LMO7: variants seen among roughly 807,000 people sequenced by gnomAD.
LMO7 encodes LIM domain 7, also known as LIM domain only protein 7.
In LMO7, 120 loss-of-function variants were observed where a neutral mutation model predicts 206.5. The ratio of observed to expected loss-of-function variants is 0.58; its 90% CI spans 0.50 to 0.68. The LOEUF (loss-of-function observed/expected upper bound fraction) is 0.68, where lower values mean the gene tolerates loss of function less well. Ranked by LOEUF, LMO7 falls within the 30% of genes least tolerant of loss-of-function variation. LMO7 has a pLI of 0.00. For synonymous variants in LMO7, 706 were observed against 681.5 expected (o/e 1.04, Z -0.56); for missense variants, 1,959 against 1,957.9 (o/e 1.00, Z -0.01).
chr13:75,765,046 C>T, intron 4 of LMO7, among the ~76,000 whole-genome samples: 1 of 151,934 alleles, frequency 6.6e-6, no homozygotes, highest in East Asian at 1.9e-4. Context: ...TAACATATTC[C>T]CATCAGGAAA....
intron 16 of LMO7, 66 bp downstream of exon 16, chr13:75,833,231 G>A (rs900178875): frequency 5.2e-6 from 5 of 963,358 alleles, no homozygotes; most frequent in Non-Finnish European, 8.5e-6. Context: ...TGGGGTTGGG[G>A]ACCACAGAAA....
intron 3 of LMO7, among the ~76,000 whole-genome samples, chr13:75,734,073 G>T (rs1217737967): frequency 6.6e-6 from 1 of 152,156 alleles, no homozygotes; most frequent in Admixed American, 6.5e-5. Flanking sequence ...TATGTAATAG[G>T]TTTCCCACCA....
chr13:75,697,615 A>G (rs181952093), intron 1 of LMO7, among the ~76,000 whole-genome samples: 68 of 152,294 alleles, frequency 4.5e-4, no homozygotes, highest in African/African-American at 1.6e-3. Flanking sequence ...CAGCCAAACC[A>G]TATCAGGCAG....
intron 1 of LMO7, among the ~76,000 whole-genome samples, chr13:75,691,310 G>A (rs147176035): frequency 9.2e-4 from 140 of 152,320 alleles, no homozygotes; most frequent in South Asian, 5.2e-3. Context: ...GGTGTGTTGA[G>A]TAGAGGATGT....
In LMO7 at chr13:75,859,456, T is replaced by C. The variant is rs1350690265; in HGVS notation, c.*1513T>C. 2 of 152,214 alleles carry C rather than the reference T, an allele frequency of 1.3e-5. No homozygotes were observed. Among genetic ancestry groups the C allele is most frequent in the African/African-American group, 2.4e-5 (1 of 41,454 alleles). 9.4% of individuals were successfully genotyped at this position (152,214 alleles called of 1,614,324 possible). ...TGTTCTTAAAATTATTTTTATCTTT[T>C]TTCATGGTTGCATAGTGCTCCATTG... On this transcript the variant is annotated 3_prime_UTR_variant, in exon 31 of 31. Transcript: ENST00000377534.
At position 75,845,398 on chromosome 13, in the gene LMO7, C is replaced by T; in HGVS notation, c.4150+19C>T. The T allele has an allele frequency of 6.6e-7, 1 of 1,506,990 alleles. No homozygotes were observed. The highest frequency in any genetic ancestry group is 9.2e-7 in the Non-Finnish European group (1 of 1,087,072). 93.4% of individuals were successfully genotyped at this position (1,506,990 alleles called of 1,614,324 possible). A position where few individuals can be genotyped will look rare whatever the true frequency, so the allele number is the denominator to read the frequency against. On this transcript the variant is annotated intron_variant, in intron 26 of 30. Coordinates refer to ENST00000377534, the MANE Select transcript of LMO7 (RefSeq NM_001306080.2). ...AAAAATGGTAAATGCGATATTTTCC[C>T]CCAAACTCCTTCAGAGTTGCTTATT...
intron 12 of LMO7, 32 bp from the exon 13 acceptor site, chr13:75,819,361 G>A (rs753341736): frequency 3.2e-6 from 5 of 1,566,642 alleles, no homozygotes; most frequent in African/African-American, 1.4e-5. Flanking sequence ...AGAAATTCAG[G>A]TGTGCCCCTG....
At chr13:75,627,255 C>T (rs1389940671) in intron 2 of LMO7, 1 of 152,152 alleles carries the variant, frequency 6.6e-6, no homozygotes, top group Non-Finnish European at 1.5e-5. Flanking sequence ...CAATAAATTA[C>T]ATAAGATATT....
chr13:75,838,522 A>C (rs1413095693), intron 20 of LMO7: 2 of 342,618 alleles, frequency 5.8e-6, no homozygotes, highest in African/African-American at 2.2e-5. Context: ...TAACAGTAAG[A>C]AATGAGGAAT....
At chr13:75,792,905 C>T (rs2053502888) in intron 4 of LMO7, among the ~76,000 whole-genome samples, 1 of 152,178 alleles carries the variant, frequency 6.6e-6, no homozygotes, top group African/African-American at 2.4e-5. Flanking sequence ...TGGTGTTTAT[C>T]ACAGAATAGG....
rs2044008056 is a variant in LMO7, at chr13:75,721,413, C to T, written c.141-5616C>T. Reference sequence around the variant, plus strand: ...TTGGAGAGGGAGAGGGTTGTCTGTGCCTCTGGTAGCTGGACCGTCTGATTG... The same window carrying T: ...TTGGAGAGGGAGAGGGTTGTCTGTGTCTCTGGTAGCTGGACCGTCTGATTG... On this transcript the variant is annotated intron_variant, in intron 2 of 30. Coordinates refer to ENST00000377534, the MANE Select transcript of LMO7 (RefSeq NM_001306080.2). Among the ~76,000 whole-genome samples the T allele has an allele frequency of 2.0e-5, 3 of 152,134 alleles. No homozygotes were observed. The South Asian group carries it at 6.2e-4, about 32-fold the overall frequency.
intron 3 of LMO7, among the ~76,000 whole-genome samples, chr13:75,743,826 G>A (rs9600543): frequency 0.019 from 2,894 of 152,154 alleles, 86 homozygotes; most frequent in African/African-American, 0.064. Flanking sequence ...TAACATACCT[G>A]CATGTGCACA....
Position 75,795,775 on chromosome 13 carries a change from G to T in LMO7, c.348+344G>T, listed in dbSNP as rs370267430. Among the ~76,000 whole-genome samples, 3 of 152,048 alleles carry T rather than the reference G, an allele frequency of 2.0e-5. No homozygotes were observed. The East Asian group carries it at 5.8e-4, about 29-fold the overall frequency. On this transcript the variant is annotated intron_variant, in intron 5 of 30. Coordinates refer to ENST00000377534, the MANE Select transcript of LMO7 (RefSeq NM_001306080.2). The stretch of plus-strand genomic sequence containing the variant: ...TATTCTAGAGATGAACAATGAGAAC[G>T]CATGGACACAGGGAGGGGAACAACA...
At chr13:75,750,939 A>G (rs961483717) in intron 3 of LMO7, among the ~76,000 whole-genome samples, 2 of 152,112 alleles carry the variant, frequency 1.3e-5, no homozygotes, top group African/African-American at 4.8e-5. Context: ...ATGCTAAGAT[A>G]TGGACTTAGC....
chr13:75,705,574 T>C (rs2042593034), intron 1 of LMO7, among the ~76,000 whole-genome samples: 1 of 152,186 alleles, frequency 6.6e-6, no homozygotes, highest in Non-Finnish European at 1.5e-5. Context: ...GTGGGAAACA[T>C]GTGGTCTCTA....
Position 75,702,958 on chromosome 13 carries a change from G to C in LMO7, c.70-10224G>C, listed in dbSNP as rs891272680. Among the ~76,000 whole-genome samples the C allele has an allele frequency of 2.6e-5, 4 of 152,192 alleles. No individual in the cohort carries two copies. In the East Asian group the frequency reaches 7.7e-4, roughly 29 times the overall value. The stretch of plus-strand genomic sequence containing the variant: ...TGGTGACAAGCTTTCAACTTTGAAG[G>C]TTTCATCCAACCATATAGTCTTTCA... On this transcript the variant is annotated intron_variant, in intron 1 of 30. Coordinates refer to ENST00000377534, the MANE Select transcript of LMO7 (RefSeq NM_001306080.2).
chr13:75,711,658 T>C (rs66918117), intron 1 of LMO7, among the ~76,000 whole-genome samples: 6,207 of 152,268 alleles, frequency 0.041, 186 homozygotes, highest in Middle Eastern at 0.078. Flanking sequence ...AGGAAGCCAG[T>C]ACCTCAGTCG....
At chr13:75,636,757 A>G (rs1462535664) in intron 1 of LMO7, 31 bp downstream of exon 1, 2 of 1,587,202 alleles carry the variant, frequency 1.3e-6, no homozygotes, top group Admixed American at 3.5e-5. Flanking sequence ...TCCCTTCCGC[A>G]GGTGTTGACT....
At position 75,717,385 on chromosome 13, in the gene LMO7, A is replaced by C. The variant is rs533556690; in HGVS notation, c.140+4133A>C. Among the ~76,000 whole-genome samples, 577 of 146,712 alleles carry C rather than the reference A, an allele frequency of 3.9e-3. 6 individuals carry two copies. The highest frequency in any genetic ancestry group is 0.014 in the African/African-American group (543 of 39,924). ...CTCAAAAAAAAAAAAAAAAAAACAC[A>C]CAAACAAAAAAACACAACTCTTCTC... On this transcript the variant is annotated intron_variant, in intron 2 of 30. Transcript: ENST00000377534.
Sources: gnomAD v4.1 joint callset for allele counts (sites outside exome capture counted in the v4.1 genomes callset) on GRCh38, gnomAD v4.1.1 for gene constraint, MANE v1.5 for transcripts, NCBI Gene and HGNC (gene_info 2026-07-23, HGNC 2026-07-21) for gene names.